ZNF713: variants seen among roughly 807,000 people sequenced by gnomAD.
ZNF713 encodes the protein zinc finger protein 713.
ZNF713 carries 21 observed loss-of-function variants against 28.7 expected under a neutral mutation model. The observed-to-expected ratio is 0.73, with a 90% CI of 0.52 to 1.05. The LOEUF (loss-of-function observed/expected upper bound fraction) is 1.05, where lower values mean the gene tolerates loss of function less well. Among genes scored for constraint, ZNF713 ranks in the 50% least tolerant of loss-of-function variants. The pLI, the probability that ZNF713 is intolerant of heterozygous loss-of-function variation, is 0.00. For synonymous variants in ZNF713, 167 were observed against 178.0 expected (o/e 0.94, Z 0.49); for missense variants, 458 against 532.4 (o/e 0.86, Z 1.37).
intron 2 of ZNF713, 64 bp from the exon 3 acceptor site, chr7:55,911,552 G>GT (rs2116212908): frequency 6.6e-6 from 1 of 152,266 alleles, no homozygotes; most frequent in Admixed American, 6.5e-5. Flanking sequence ...TACAGACTCT[G>GT]TAAGCCCCTA....
intron 2 of ZNF713, among the ~76,000 whole-genome samples, chr7:55,907,016 A>G (rs976265053): frequency 2.6e-5 from 4 of 152,138 alleles, no homozygotes; most frequent in Admixed American, 2.0e-4. Context: ...TTAAAAGCCT[A>G]TATTTAGGTT....
At position 55,941,336 on chromosome 7, in the gene ZNF713, G is replaced by A. The variant is rs1786467051; in HGVS notation, c.*1330G>A. ...CTGGGTATGGTGGTGCACGCCTGTA[G>A]TCTCAGCAGCTTGGGAGGCTGAGGC... is the stretch of plus-strand genomic sequence containing the variant. On this transcript the variant is annotated 3_prime_UTR_variant, in exon 7 of 7. Transcript: ENST00000429591. 6.6e-6 allele frequency: 1 copy of A among 151,434 alleles called. No individual in the cohort carries two copies. The highest frequency in any genetic ancestry group is 2.1e-4 in the South Asian group (1 of 4,810). 9.4% of individuals were successfully genotyped at this position (151,434 alleles called of 1,614,324 possible).
rs1435866742 is a variant in ZNF713, at chr7:55,940,079, A to G, written c.*73A>G. The G allele has an allele frequency of 2.0e-6, 3 of 1,489,634 alleles. No individual in the cohort carries two copies. Among genetic ancestry groups the G allele is most frequent in the East Asian group, 2.3e-5 (1 of 42,900 alleles). 92.3% of individuals were successfully genotyped at this position (1,489,634 alleles called of 1,614,324 possible). A position where few individuals can be genotyped will look rare whatever the true frequency, so the allele number is the denominator to read the frequency against. On this transcript the variant is annotated 3_prime_UTR_variant, in exon 7 of 7. Transcript: ENST00000429591. ...TGGTCAGACCTTTTTATCCCATTCA[A>G]TATCAAATTATTCATAGTGGAGAGA...
At chr7:55,936,816 AT>A (rs1341050272) in intron 6 of ZNF713, among the ~76,000 whole-genome samples, 1 of 152,122 alleles carries the variant, frequency 6.6e-6, no homozygotes, top group Non-Finnish European at 1.5e-5. Context: ...ATCTATCTAG[AT>A]TATGGAAATG....
rs539168422 is a variant in ZNF713 at position 55,889,500 on chromosome 7, G to A, written c.-583+1820G>A. Among the ~76,000 whole-genome samples the A allele has an allele frequency of 5.9e-5, 9 of 152,334 alleles. No homozygotes were observed. The East Asian group carries it at 1.7e-3, about 29-fold the overall frequency. On this transcript the variant is annotated intron_variant, in intron 1 of 6. Transcript: ENST00000429591. Reference sequence around the variant, plus strand: ...AAAGGCAGGTTGGAACACTTAGTAGGTTGTAGCAATTAGTACGTTCTAAAT... The same window carrying A: ...AAAGGCAGGTTGGAACACTTAGTAGATTGTAGCAATTAGTACGTTCTAAAT...
At position 55,939,630 on chromosome 7, in the gene ZNF713, GT is replaced by G; in HGVS notation, c.957del (p.Cys319TrpfsTer15). The G allele has an allele frequency of 1.2e-6, 2 of 1,614,238 alleles. No individual in the cohort carries two copies. The highest frequency in any genetic ancestry group is 1.7e-6 in the Non-Finnish European group (2 of 1,180,048). The part of the protein sequence containing the change: ...TGEKPFICNG[C>X]GKAFRQHSSF... ...GAAAAGCCTTTTATATGCAATGGAT[GT>G]GGGAAAGCCTTCCGTCAGCATTCAT... On this transcript the variant is annotated frameshift_variant, in exon 7 of 7. Coordinates refer to ENST00000429591, the MANE Select transcript of ZNF713 (RefSeq NM_182633.3). LOFTEE classifies it high-confidence loss of function.
chr7:55,898,222 C>G (rs1456540788), intron 1 of ZNF713, among the ~76,000 whole-genome samples: 1 of 152,052 alleles, frequency 6.6e-6, no homozygotes, highest in Non-Finnish European at 1.5e-5. Flanking sequence ...CAAAAGTAAA[C>G]AAATAGGGTT....
intron 4 of ZNF713, 100 bp from the exon 5 acceptor site, chr7:55,923,062 A>C: frequency 1.5e-6 from 2 of 1,347,700 alleles, no homozygotes; most frequent in Non-Finnish European, 2.0e-6. Flanking sequence ...GACTATCAGC[A>C]CAATGGCTTA....
At chr7:55,922,254 C>G (rs995587567) in intron 4 of ZNF713, among the ~76,000 whole-genome samples, 2 of 152,084 alleles carry the variant, frequency 1.3e-5, no homozygotes, top group Non-Finnish European at 2.9e-5. Flanking sequence ...TAAGAAGTTG[C>G]CTTGGCCGGG....
chr7:55,898,903 A>G (rs929268595), intron 1 of ZNF713, among the ~76,000 whole-genome samples: 4 of 152,294 alleles, frequency 2.6e-5, no homozygotes, highest in Non-Finnish European at 4.4e-5. Context: ...TAAAACCACA[A>G]TAAGAGAGCA....
At chr7:55,918,824 C>G (rs978907751) in intron 4 of ZNF713, among the ~76,000 whole-genome samples, 4 of 152,034 alleles carry the variant, frequency 2.6e-5, no homozygotes, top group Admixed American at 6.6e-5. Context: ...GAAACCTCGT[C>G]TCTACTAAAA....
intron 1 of ZNF713, among the ~76,000 whole-genome samples, chr7:55,892,277 CAAAAA>C (rs71561974): frequency 6.6e-5 from 4 of 60,518 alleles, no homozygotes; most frequent in African/African-American, 1.4e-4. Context: ...GACTCCATCT[CAAAAA>C]AAAAAAAAAA....
At chr7:55,908,515 AT>A (rs1184588221) in intron 2 of ZNF713, among the ~76,000 whole-genome samples, 1 of 151,240 alleles carries the variant, frequency 6.6e-6, no homozygotes, top group Non-Finnish European at 1.5e-5. Context: ...TGTGGTTTGA[AT>A]TTGCATTTCA....
At chr7:55,925,405 G>A (rs1190969857) in intron 6 of ZNF713, among the ~76,000 whole-genome samples, 4 of 152,002 alleles carry the variant, frequency 2.6e-5, no homozygotes, top group Admixed American at 2.0e-4. Context: ...GGCAGATCAC[G>A]AGGTCAAGAG....
chr7:55,910,849 C>A (rs1263013364), intron 2 of ZNF713, among the ~76,000 whole-genome samples: 1 of 152,178 alleles, frequency 6.6e-6, no homozygotes, highest in Admixed American at 6.5e-5. Context: ...CAGTACTCTT[C>A]CCTCAGCCTT....
intron 4 of ZNF713, among the ~76,000 whole-genome samples, chr7:55,919,896 G>C (rs1228986320): frequency 3.3e-5 from 5 of 151,724 alleles, no homozygotes; most frequent in Admixed American, 2.6e-4. Flanking sequence ...TCAAGTTCTG[G>C]GGTATGTGTA....
chr7:55,901,370 T>C (rs535176260), intron 1 of ZNF713, among the ~76,000 whole-genome samples: 1 of 152,140 alleles, frequency 6.6e-6, no homozygotes, highest in Non-Finnish European at 1.5e-5. Context: ...CATGATTCAG[T>C]TACCTCCCAC....
intron 4 of ZNF713, among the ~76,000 whole-genome samples, chr7:55,913,128 C>A (rs1302012389): frequency 6.6e-6 from 1 of 150,604 alleles, no homozygotes; most frequent in Non-Finnish European, 1.5e-5. Context: ...TAACATCTAT[C>A]ACAAATTAAT....
chr7:55,887,899 C>CGGGAGGCGGCAGGT (rs1785305866), intron 1 of ZNF713, among the ~76,000 whole-genome samples: 1 of 128,666 alleles, frequency 7.8e-6, no homozygotes, highest in African/African-American at 3.3e-5. Context: ...GCGGCGGCGG[C>CGGGAGGCGGCAGGT]GGCGGGAGGC....
Sources: allele counts gnomAD v4.1 joint callset (sites outside exome capture counted in the v4.1 genomes callset), GRCh38; gene constraint gnomAD v4.1.1; transcripts MANE v1.5; gene names NCBI Gene and HGNC (gene_info 2026-07-23, HGNC 2026-07-21).